Variants in MC1R observed in about 807,000 individuals in gnomAD.
MC1R encodes melanocyte-stimulating hormone receptor.
For synonymous variants in MC1R, 263 were observed against 203.8 expected, an observed-to-expected ratio of 1.29 and a Z score of -2.47; for missense variants, 542 against 430.0, an observed-to-expected ratio of 1.26 and a Z score of -2.30.
In MC1R at chr16:89,919,317, C is replaced by G. The variant is rs769955455; in HGVS notation, c.59C>G (p.Ala20Gly). 1.2e-6 allele frequency: 2 copies of G among 1,611,368 alleles called. No individual in the cohort carries two copies. The highest frequency in any genetic ancestry group is 1.7e-6 in the Non-Finnish European group (2 of 1,179,046). The change falls in exon 1 of 1, where the codon GCC becomes GGC. Residue 20 changes from alanine (A) to glycine (G), a missense_variant. Coordinates refer to ENST00000555147, the MANE Select transcript of MC1R (RefSeq NM_002386.4). ...GGCTCCCTCAACTCCACCCCCACAG[C>G]CATCCCCCAGCTGGGGCTGGCTGCC... ...LLGSLNSTPT[A>G]IPQLGLAANQ...
Position 89,919,109 on chromosome 16 carries a change from G to A in MC1R, c.-150G>A. 2 of 623,776 alleles carry A rather than the reference G, an allele frequency of 3.2e-6. No homozygotes were observed. The highest frequency in any genetic ancestry group is 2.0e-5 in the South Asian group (1 of 49,738). The allele number at this position is 623,776 out of a possible 1,614,324, so 38.6% of individuals were successfully genotyped here. The stretch of plus-strand genomic sequence containing the variant: ...CAGCCAGGGAGAGGGTGTGAGGGCA[G>A]ATCTGGGGGTGCCCAGATGGAAGGA... On this transcript the variant is annotated 5_prime_UTR_variant, in exon 1 of 1. Coordinates refer to ENST00000555147, the MANE Select transcript of MC1R (RefSeq NM_002386.4).
rs371156858 is a variant in MC1R, at chr16:89,919,398, G to T, written c.140G>T (p.Ser47Ile). The part of the protein sequence containing the change: ...EVSISDGLFL[S>I]LGLVSLVENA... ...TCCATCTCTGACGGGCTCTTCCTCA[G>T]CCTGGGGCTGGTGAGCTTGGTGGAG... The change falls in exon 1 of 1, where the codon AGC becomes ATC. Residue 47 changes from serine (S) to isoleucine (I), a missense_variant. Transcript: ENST00000555147. 126 of 1,613,332 alleles carry T rather than the reference G, an allele frequency of 7.8e-5. No individual in the cohort carries two copies. In the African/African-American group the frequency reaches 1.3e-3, roughly 17 times the overall value.
chr16:89,920,455 G>C lies in MC1R; in HGVS notation c.*243G>C. On this transcript the variant is annotated 3_prime_UTR_variant, in exon 1 of 1. Coordinates refer to ENST00000555147, the MANE Select transcript of MC1R (RefSeq NM_002386.4). ...TGGGGAACGGAGGAGGACATGGGGA[G>C]GTTGTGGGGCCTCAGGCTCCGGGCA... 2 of 618,150 alleles carry C rather than the reference G, an allele frequency of 3.2e-6. No individual in the cohort carries two copies. Among genetic ancestry groups the C allele is most frequent in the Non-Finnish European group, 5.9e-6 (2 of 340,322 alleles). 38.3% of individuals were successfully genotyped at this position (618,150 alleles called of 1,614,324 possible).
Position 89,919,478 on chromosome 16 carries a change from T to C in MC1R, c.220T>C (p.Tyr74His). The C allele has an allele frequency of 6.2e-7, 1 of 1,613,316 alleles. No homozygotes were observed. Among genetic ancestry groups the C allele is most frequent in the Admixed American group, 1.7e-5 (1 of 60,030 alleles). The change falls in exon 1 of 1, where the codon TAC becomes CAC. Residue 74 changes from tyrosine (Y) to histidine (H), a missense_variant. By Grantham distance (83) the Tyr-to-His change is moderately conservative. Transcript: ENST00000555147. ...AKNRNLHSPM[Y>H]CFICCLALSD... The stretch of plus-strand genomic sequence containing the variant: ...GAACCGGAACCTGCACTCACCCATG[T>C]ACTGCTTCATCTGCTGCCTGGCCTT...
Position 89,920,219 on chromosome 16 carries a change from T to C in MC1R, c.*7T>C. 1 of 1,608,260 alleles carries C rather than the reference T, an allele frequency of 6.2e-7. No individual in the cohort carries two copies. Among genetic ancestry groups the C allele is most frequent in the Non-Finnish European group, 8.5e-7 (1 of 1,174,928 alleles). ...GCTGACATGCTCCTGGTGAGCGCGG[T>C]GCACGCGGCTTTAAGTGTGCTGGGC... On this transcript the variant is annotated 3_prime_UTR_variant, in exon 1 of 1. Transcript: ENST00000555147.
At position 89,919,345 on chromosome 16, in the gene MC1R, C is replaced by G. The variant is rs1034737344; in HGVS notation, c.87C>G (p.Asn29Lys). The change falls in exon 1 of 1, where the codon AAC becomes AAG. Residue 29 changes from asparagine (N) to lysine (K), a missense_variant. By Grantham distance (94) the Asn-to-Lys change is moderately conservative. Coordinates refer to ENST00000555147, the MANE Select transcript of MC1R (RefSeq NM_002386.4). ...TCCCCCAGCTGGGGCTGGCTGCCAA[C>G]CAGACAGGAGCCCGGTGCCTGGAGG... ...TAIPQLGLAA[N>K]QTGARCLEVS... 4 of 1,612,890 alleles carry G rather than the reference C, an allele frequency of 2.5e-6. No individual in the cohort carries two copies. The highest frequency in any genetic ancestry group is 1.6e-4 in the Middle Eastern group (1 of 6,062).
rs374355873 is a variant in MC1R, at chr16:89,919,865, A to T, written c.607A>T (p.Met203Leu). The T allele has an allele frequency of 3.7e-6, 6 of 1,606,072 alleles. No individual in the cohort carries two copies. The South Asian group carries it at 6.6e-5, about 18-fold the overall frequency. The change falls in exon 1 of 1, where the codon ATG becomes TTG. Residue 203 changes from methionine (M) to leucine (L), a missense_variant. By Grantham distance (15) the Met-to-Leu change is conservative (BLOSUM62 2). Transcript: ENST00000555147. ...CTTCTTCCTGGCTATGCTGGTGCTC[A>T]TGGCCGTGCTGTACGTCCACATGCT... is the stretch of plus-strand genomic sequence containing the variant. ...VVFFLAMLVL[M>L]AVLYVHMLAR...
chr16:89,919,619 G>A lies in MC1R; in HGVS notation c.361G>A (p.Asp121Asn), dbSNP rs2144391717. ...AVLQQLDNVIDVITCSSMLSS... is the reference protein window; with the variant it reads ...AVLQQLDNVINVITCSSMLSS... ...GCTGCAGCAGCTGGACAATGTCATTGACGTGATCACCTGCAGCTCCATGCT... is the reference window on the plus strand; with the variant it reads ...GCTGCAGCAGCTGGACAATGTCATTAACGTGATCACCTGCAGCTCCATGCT... Residue 121 changes from aspartate (D) to asparagine (N), a missense_variant, in exon 1 of 1, where the codon GAC becomes AAC. Transcript: ENST00000555147. The A allele has an allele frequency of 6.2e-7, 1 of 1,607,900 alleles. No homozygotes were observed. Among genetic ancestry groups the A allele is most frequent in the Admixed American group, 1.7e-5 (1 of 60,024 alleles).
Position 89,920,476 on chromosome 16 carries a change from G to A in MC1R, c.*264G>A, listed in dbSNP as rs1342288472. On this transcript the variant is annotated 3_prime_UTR_variant, in exon 1 of 1. Coordinates refer to ENST00000555147, the MANE Select transcript of MC1R (RefSeq NM_002386.4). ...GGGAGGTTGTGGGGCCTCAGGCTCC[G>A]GGCACCAGGGGCCAACCTCAGGCTC... 15 of 616,256 alleles carry A rather than the reference G, an allele frequency of 2.4e-5. No homozygotes were observed. Among genetic ancestry groups the A allele is most frequent in the South Asian group, 2.0e-4 (10 of 49,992 alleles). The allele number at this position is 616,256 out of a possible 1,614,324, so 38.2% of individuals were successfully genotyped here. A position where few individuals can be genotyped will look rare whatever the true frequency, so the allele number is the denominator to read the frequency against.
At position 89,919,849 on chromosome 16, in the gene MC1R, G is replaced by C. The variant is rs2045700502; in HGVS notation, c.591G>C (p.Leu197=). The change falls in exon 1 of 1, where the codon CTG becomes CTC. Residue 197 remains leucine (L), a synonymous_variant. Coordinates refer to ENST00000555147, the MANE Select transcript of MC1R (RefSeq NM_002386.4). The stretch of plus-strand genomic sequence containing the variant: ...TGCTGTGCCTCGTGGTCTTCTTCCT[G>C]GCTATGCTGGTGCTCATGGCCGTGC... ...AVLLCLVVFF[L]AMLVLMAVLY... The C allele has an allele frequency of 6.2e-7, 1 of 1,606,294 alleles. No homozygotes were observed. The highest frequency in any genetic ancestry group is 8.5e-7 in the Non-Finnish European group (1 of 1,179,670).
Position 89,919,971 on chromosome 16 carries a change from A to G in MC1R, c.713A>G (p.Lys238Arg). The G allele has an allele frequency of 6.2e-7, 1 of 1,612,936 alleles. No individual in the cohort carries two copies. Among genetic ancestry groups the G allele is most frequent in the Admixed American group, 1.7e-5 (1 of 60,014 alleles). The part of the protein sequence containing the change: ...QRPVHQGFGL[K>R]GAVTLTILLG... The stretch of plus-strand genomic sequence containing the variant: ...CCGGTCCACCAGGGCTTTGGCCTTA[A>G]AGGCGCTGTCACCCTCACCATCCTG... Residue 238 changes from lysine to arginine, a missense_variant, in exon 1 of 1, where the codon AAA (lysine) becomes AGA (arginine). Lys to Arg is a conservative substitution (Grantham distance 26, BLOSUM62 2). Transcript: ENST00000555147.
rs1232525952 is a variant in MC1R, at chr16:89,919,597, G to A, written c.339G>A (p.Leu113=). 5.0e-6 allele frequency: 8 copies of A among 1,609,132 alleles called. No individual in the cohort carries two copies. Among genetic ancestry groups the A allele is most frequent in the Non-Finnish European group, 6.8e-6 (8 of 1,179,752 alleles). Residue 113 remains leucine, a synonymous_variant, in exon 1 of 1, where the codon CTG becomes CTA. Coordinates refer to ENST00000555147, the MANE Select transcript of MC1R (RefSeq NM_002386.4). ...CACTGGTGGCCCGGGCTGCGGTGCT[G>A]CAGCAGCTGGACAATGTCATTGACG... ...AGALVARAAV[L]QQLDNVIDVI...
Position 89,920,303 on chromosome 16 carries a change from C to A in MC1R, c.*91C>A. ...CTGTGTGACCCTGGGCAGTTCCTTA[C>A]CTCCCTGGTCCCCGTTTGTCAAAGA... On this transcript the variant is annotated 3_prime_UTR_variant, in exon 1 of 1. Transcript: ENST00000555147. 2 of 1,036,218 alleles carry A rather than the reference C, an allele frequency of 1.9e-6. No individual in the cohort carries two copies. Among genetic ancestry groups the A allele is most frequent in the Admixed American group, 2.2e-5 (1 of 45,876 alleles). The allele number at this position is 1,036,218 out of a possible 1,614,324, so 64.2% of individuals were successfully genotyped here. A position where few individuals can be genotyped will look rare whatever the true frequency, so the allele number is the denominator to read the frequency against.
rs747968193 is a variant in MC1R, at chr16:89,920,143, C to G, written c.885C>G (p.Pro295=). 2 of 1,613,912 alleles carry G rather than the reference C, an allele frequency of 1.2e-6. No individual in the cohort carries two copies. Among genetic ancestry groups the G allele is most frequent in the Non-Finnish European group, 1.7e-6 (2 of 1,179,914 alleles). The part of the protein sequence containing the change: ...ALIICNAIID[P]LIYAFHSQEL... ...TCATCTGCAATGCCATCATCGACCC[C>G]CTCATCTACGCCTTCCACAGCCAGG... is the stretch of plus-strand genomic sequence containing the variant. The change falls in exon 1 of 1, where the codon CCC becomes CCG. Residue 295 remains proline, a synonymous_variant. Coordinates refer to ENST00000555147, the MANE Select transcript of MC1R (RefSeq NM_002386.4).
rs2045696365 is a variant in MC1R at position 89,919,687 on chromosome 16, C to T, written c.429C>T (p.Tyr143=). ...TGGGCGCCATCGCCGTGGACCGCTA[C>T]ATCTCCATCTTCTACGCACTGCGCT... is the stretch of plus-strand genomic sequence containing the variant. The part of the protein sequence containing the change: ...CFLGAIAVDR[Y]ISIFYALRYH... Residue 143 remains tyrosine, a synonymous_variant, in exon 1 of 1, where the codon TAC becomes TAT. Transcript: ENST00000555147. 2.5e-6 allele frequency: 4 copies of T among 1,606,316 alleles called. No homozygotes were observed. The highest frequency in any genetic ancestry group is 2.2e-5 in the East Asian group (1 of 44,862).
In MC1R at chr16:89,920,885, A is replaced by G. The variant is rs1363251292; in HGVS notation, c.*673A>G. On this transcript the variant is annotated 3_prime_UTR_variant, in exon 1 of 1. Coordinates refer to ENST00000555147, the MANE Select transcript of MC1R (RefSeq NM_002386.4). ...TCCTGCAGCAGTCGCCCAAGCAGAC[A>G]GCCCTGGCAAATGCCTGACTCAGTG... 3 of 593,308 alleles carry G rather than the reference A, an allele frequency of 5.1e-6. No individual in the cohort carries two copies. The highest frequency in any genetic ancestry group is 9.2e-6 in the Non-Finnish European group (3 of 327,520). 36.8% of individuals were successfully genotyped at this position (593,308 alleles called of 1,614,324 possible). A position where few individuals can be genotyped will look rare whatever the true frequency, so the allele number is the denominator to read the frequency against.
chr16:89,919,851 C>G lies in MC1R; in HGVS notation c.593C>G (p.Ala198Gly), dbSNP rs1437472612. ...VLLCLVVFFL[A>G]MLVLMAVLYV... ...CTGTGCCTCGTGGTCTTCTTCCTGG[C>G]TATGCTGGTGCTCATGGCCGTGCTG... is the stretch of plus-strand genomic sequence containing the variant. Residue 198 changes from alanine to glycine, a missense_variant, in exon 1 of 1, where the codon GCT (alanine) becomes GGT (glycine). Transcript: ENST00000555147. 1 of 1,606,486 alleles carries G rather than the reference C, an allele frequency of 6.2e-7. No homozygotes were observed.
Position 89,919,296 on chromosome 16 carries a change from C to T in MC1R, c.38C>T (p.Ser13Phe). Residue 13 changes from serine to phenylalanine, a missense_variant, in exon 1 of 1, where the codon TCC becomes TTC. Coordinates refer to ENST00000555147, the MANE Select transcript of MC1R (RefSeq NM_002386.4). ...VQGSQRRLLG[S>F]LNSTPTAIPQ... ...GGATCCCAGAGAAGACTTCTGGGCT[C>T]CCTCAACTCCACCCCCACAGCCATC... 6.2e-7 allele frequency: 1 copy of T among 1,605,594 alleles called. No homozygotes were observed.
Position 89,919,199 on chromosome 16 carries a change from G to A in MC1R, c.-60G>A. ...ATGAACTAAGCAGGACACCTGGAGG[G>A]GAAGAACTGTGGGGACCTGGAGGCC... is the stretch of plus-strand genomic sequence containing the variant. On this transcript the variant is annotated 5_prime_UTR_variant, in exon 1 of 1. Transcript: ENST00000555147. 1.7e-6 allele frequency: 2 copies of A among 1,209,446 alleles called. No homozygotes were observed. Among genetic ancestry groups the A allele is most frequent in the Non-Finnish European group, 2.3e-6 (2 of 870,310 alleles). The allele number at this position is 1,209,446 out of a possible 1,614,324, so 74.9% of individuals were successfully genotyped here.
Sources: gnomAD v4.1 joint callset for allele counts on GRCh38, gnomAD v4.1.1 for gene constraint, MANE v1.5 for transcripts, NCBI Gene and HGNC (gene_info 2026-07-23, HGNC 2026-07-21) for gene names.